The following PABPC1L variants were observed in gnomAD, a reference collection of about 807,000 sequenced individuals.
PABPC1L encodes the protein poly(A) binding protein cytoplasmic 1 like.
Under a neutral mutation model 66.6 loss-of-function variants are expected in PABPC1L, and 31 were observed. That is an observed-to-expected ratio of 0.47 (90% CI 0.35 to 0.63). PABPC1L has a LOEUF of 0.63. Among genes scored for constraint, PABPC1L ranks in the 20% least tolerant of loss-of-function variants. PABPC1L has a pLI of 0.00. For missense variants in PABPC1L, 722 were observed against 848.8 expected (o/e 0.85, Z 1.86); for synonymous variants, 348 against 335.1 (o/e 1.04, Z -0.42).
chr20:44,933,018 C>T (rs1171950023), intron 9 of PABPC1L, 39 bp from the exon 10 acceptor site: 2 of 1,407,754 alleles, frequency 1.4e-6, no homozygotes, highest in Non-Finnish European at 2.0e-6. Context: ...CCCACCACTC[C>T]ATCCAACTTT....
At chr20:44,912,610 T>C (rs1480745060) in intron 1 of PABPC1L, 50 bp from the exon 2 acceptor site, 3 of 1,510,572 alleles carry the variant, frequency 2.0e-6, no homozygotes. Flanking sequence ...GTGATCAAGG[T>C]AAGAAAATTC....
intron 5 of PABPC1L, among the ~76,000 whole-genome samples, chr20:44,920,711 C>T (rs1447627290): frequency 3.3e-5 from 5 of 151,372 alleles, no homozygotes; most frequent in African/African-American, 1.2e-4. Flanking sequence ...TCAAGTGATC[C>T]ACCCGCCTTG....
chr20:44,930,785 C>T, intron 8 of PABPC1L, 59 bp downstream of exon 8: 1 of 1,572,462 alleles, frequency 6.4e-7, no homozygotes, highest in Non-Finnish European at 8.6e-7. Flanking sequence ...CAAGGCAGAG[C>T]ATGAAGACTA....
chr20:44,927,025 G>A (rs1440063040), intron 7 of PABPC1L, among the ~76,000 whole-genome samples: 1 of 151,726 alleles, frequency 6.6e-6, no homozygotes. Context: ...ACAGGCATGT[G>A]CCACCATGCC....
chr20:44,938,759 T>G lies in PABPC1L; in HGVS notation c.*6+11T>G, dbSNP rs1328025173. ...ATGCACTGAAACCAGGTGGGTGGAA[T>G]GGTGACAGAAGCAGCTGAGCCCGGG... On this transcript the variant is annotated intron_variant, in intron 14 of 14. Transcript: ENST00000217073. The G allele has an allele frequency of 6.2e-7, 1 of 1,607,516 alleles. No individual in the cohort carries two copies. Among genetic ancestry groups the G allele is most frequent in the Non-Finnish European group, 8.5e-7 (1 of 1,177,146 alleles).
chr20:44,920,227 C>T (rs2066763757), intron 5 of PABPC1L, among the ~76,000 whole-genome samples: 1 of 152,036 alleles, frequency 6.6e-6, no homozygotes, highest in Admixed American at 6.6e-5. Flanking sequence ...TGGACAAATG[C>T]ATAATGACAT....
intron 7 of PABPC1L, among the ~76,000 whole-genome samples, chr20:44,928,887 A>AAG (rs2066830241): frequency 7.4e-6 from 1 of 135,048 alleles, no homozygotes; most frequent in African/African-American, 2.7e-5. Context: ...AAAAAAAAAG[A>AAG]AAAAAAAAAA....
intron 5 of PABPC1L, among the ~76,000 whole-genome samples, chr20:44,920,098 A>G (rs2425684): frequency 0.42 from 63,478 of 151,982 alleles, 13,848 homozygotes; most frequent in African/African-American, 0.53. Context: ...TGCCATTATC[A>G]ATGTCCTGCT....
At chr20:44,925,188 G>A (rs1421381971) in intron 7 of PABPC1L, among the ~76,000 whole-genome samples, 2 of 149,178 alleles carry the variant, frequency 1.3e-5, no homozygotes, top group East Asian at 3.9e-4. Flanking sequence ...ACTCCAGCCT[G>A]GGCAACAGCG....
rs1320361009 is a variant in PABPC1L, at chr20:44,936,658, A to T, written c.1588A>T (p.Ile530Phe). Residue 530 changes from isoleucine (I) to phenylalanine (F), a missense_variant, in exon 12 of 15, where the codon ATC becomes TTC. Coordinates refer to ENST00000217073, the MANE Select transcript of PABPC1L (RefSeq NM_001372179.1). The stretch of plus-strand genomic sequence containing the variant: ...GCAGGTCCAGGAGCCGGCTGTGCAC[A>T]TCCCAGGACAGGAGCCCCTGACCGC... The part of the protein sequence containing the change: ...TYRVQEPAVH[I>F]PGQEPLTASM... 1 of 1,603,290 alleles carries T rather than the reference A, an allele frequency of 6.2e-7. No homozygotes were observed. Among genetic ancestry groups the T allele is most frequent in the Non-Finnish European group, 8.5e-7 (1 of 1,176,018 alleles).
intron 7 of PABPC1L, among the ~76,000 whole-genome samples, chr20:44,924,557 A>G (rs907319838): frequency 1.3e-5 from 2 of 152,228 alleles, no homozygotes; most frequent in Admixed American, 6.5e-5. Flanking sequence ...ATATCTTAGT[A>G]TTTCCATTGA....
In PABPC1L at chr20:44,912,713, C is replaced by G. The variant is rs1425309183; in HGVS notation, c.247C>G (p.Arg83Gly). The G allele has an allele frequency of 1.2e-6, 2 of 1,614,132 alleles. No individual in the cohort carries two copies. Among genetic ancestry groups the G allele is most frequent in the Non-Finnish European group, 1.7e-6 (2 of 1,179,992 alleles). Residue 83 changes from arginine (R) to glycine (G), a missense_variant, in exon 2 of 15, where the codon CGC becomes GGC. This residue lies in a region of PABPC1L where 284 missense variants were observed against 294.8 expected (regional missense o/e 0.96). Coordinates refer to ENST00000217073, the MANE Select transcript of PABPC1L (RefSeq NM_001372179.1). ...TGAGATGCTCAAAGGCCAGCCTATT[C>G]GCATCATGTGGTCCCAGCGAGACCC... ...NFEMLKGQPI[R>G]IMWSQRDPGL...
At position 44,918,975 on chromosome 20, in the gene PABPC1L, C is replaced by T. The variant is rs1384599304; in HGVS notation, c.573C>T (p.Thr191=). The T allele has an allele frequency of 6.2e-7, 1 of 1,613,454 alleles. No individual in the cohort carries two copies. Among genetic ancestry groups the T allele is most frequent in the Non-Finnish European group, 8.5e-7 (1 of 1,179,692 alleles). The change falls in exon 4 of 15, where the codon ACC becomes ACT. Residue 191 remains threonine, a synonymous_variant. Transcript: ENST00000217073. ...TGGGGGCGCGGGCCCTGGAGTTCAC[C>T]AACATCTACGTGAAGAACCTCCCGG... ...AELGARALEF[T]NIYVKNLPVD... is the part of the protein sequence containing the mutation.
At position 44,938,735 on chromosome 20, in the gene PABPC1L, T is replaced by C. The variant is rs1182118680; in HGVS notation, c.1853T>C (p.Met618Thr). ...GCTATGGAGCAGCCGAAGGCGTACA[T>C]GCACTGAAACCAGGTGGGTGGAATG... ...HQAMEQPKAYMH is the reference protein window; with the variant it reads ...HQAMEQPKAYTH Residue 618 changes from methionine to threonine, a missense_variant, in exon 14 of 15, where the codon ATG (methionine) becomes ACG (threonine). Around this residue, in one of 3 missense-constraint regions of PABPC1L, gnomAD observed 301 missense variants for 337.2 expected, o/e 0.89. Transcript: ENST00000217073. 1.2e-6 allele frequency: 2 copies of C among 1,611,354 alleles called. No homozygotes were observed. The highest frequency in any genetic ancestry group is 1.3e-5 in the African/African-American group (1 of 75,024).
At chr20:44,921,954 G>A (rs1014413247) in intron 6 of PABPC1L, among the ~76,000 whole-genome samples, 5 of 152,152 alleles carry the variant, frequency 3.3e-5, no homozygotes, top group African/African-American at 1.2e-4. Flanking sequence ...GGGGTGCTGG[G>A]GACCTTTTGG....
At chr20:44,931,170 C>CCTCCCTTCTTCCCTCCCTTCCTCCCTT (rs376198261) in intron 8 of PABPC1L, among the ~76,000 whole-genome samples, 1 of 136,058 alleles carries the variant, frequency 7.3e-6, no homozygotes, top group African/African-American at 2.9e-5. Flanking sequence ...CTTCCTTCTT[C>CCTCCCTTCTTCCCTCCCTTCCTCCCTT]CCTCCCTTCC....
At chr20:44,930,106 A>G (rs1178094398) in intron 7 of PABPC1L, among the ~76,000 whole-genome samples, 2 of 152,076 alleles carry the variant, frequency 1.3e-5, no homozygotes, top group Non-Finnish European at 2.9e-5. Context: ...GAGGTTGTAC[A>G]TGTGAGGTGT....
At chr20:44,920,523 C>T (rs2066765500) in intron 5 of PABPC1L, among the ~76,000 whole-genome samples, 1 of 152,074 alleles carries the variant, frequency 6.6e-6, no homozygotes, top group Non-Finnish European at 1.5e-5. Flanking sequence ...GGATGGAATG[C>T]AGTGACGTGA....
chr20:44,927,297 A>G (rs1232882370), intron 7 of PABPC1L, among the ~76,000 whole-genome samples: 2 of 152,132 alleles, frequency 1.3e-5, no homozygotes, highest in Non-Finnish European at 2.9e-5. Flanking sequence ...TAGCTTTGCT[A>G]AATTTTATCA....
Sources: gnomAD v4.1 joint callset for allele counts (sites outside exome capture counted in the v4.1 genomes callset) on GRCh38, gnomAD v4.1.1 for gene constraint, gnomAD v4.1.1 regional missense constraint, MANE v1.5 for transcripts, NCBI Gene and HGNC (gene_info 2026-07-23, HGNC 2026-07-21) for gene names.